POU6F2: variants seen among roughly 807,000 people sequenced by gnomAD.
POU6F2 encodes the protein POU domain, class 6, transcription factor 2.
In POU6F2, 31 loss-of-function variants were observed where a neutral mutation model predicts 71.3. That is an observed-to-expected ratio of 0.43 (90% CI 0.33 to 0.59). The LOEUF is 0.59. Ranked by LOEUF, POU6F2 falls within the 20% of genes least tolerant of loss-of-function variation. The probability of loss-of-function intolerance (pLI) is 0.04; values close to 1 mark genes in which losing one functional copy is unlikely to be tolerated. For missense variants in POU6F2, 783 were observed against 856.8 expected (o/e 0.91, Z 1.07); for synonymous variants, 347 against 355.7 (o/e 0.98, Z 0.27).
At chr7:39,155,372 T>A (rs748303360) in intron 2 of POU6F2, among the ~76,000 whole-genome samples, 2 of 152,150 alleles carry the variant, frequency 1.3e-5, no homozygotes, top group South Asian at 4.2e-4. Flanking sequence ...GTATTAAAAA[T>A]CTTTTTCACT....
chr7:39,206,471 G>T (rs1168226263), intron 3 of POU6F2, among the ~76,000 whole-genome samples: 1 of 151,976 alleles, frequency 6.6e-6, no homozygotes, highest in East Asian at 1.9e-4. Context: ...TATTTTCAAA[G>T]ATTTTAAGTT....
At chr7:39,101,289 G>A (rs1234067428) in intron 2 of POU6F2, among the ~76,000 whole-genome samples, 1 of 151,956 alleles carries the variant, frequency 6.6e-6, no homozygotes, top group African/African-American at 2.4e-5. Context: ...GGCCAGGCTG[G>A]TCTCAAACTC....
intron 2 of POU6F2, among the ~76,000 whole-genome samples, chr7:39,182,158 A>G (rs1379983521): frequency 6.6e-6 from 1 of 152,262 alleles, no homozygotes; most frequent in Non-Finnish European, 1.5e-5. Flanking sequence ...CACATTTTAA[A>G]TAATACGAAT....
At chr7:39,363,851 G>A (rs948203887) in intron 5 of POU6F2, among the ~76,000 whole-genome samples, 1 of 152,046 alleles carries the variant, frequency 6.6e-6, no homozygotes, top group African/African-American at 2.4e-5. Flanking sequence ...GAGCGGGAGC[G>A]ATGAATTGGA....
intron 4 of POU6F2, among the ~76,000 whole-genome samples, chr7:39,331,219 A>T (rs992052870): frequency 1.3e-5 from 2 of 152,198 alleles, no homozygotes; most frequent in African/African-American, 2.4e-5. Context: ...GGCTGTTGTG[A>T]ATAGTGCTGC....
chr7:39,090,526 G>A (rs907326848), intron 2 of POU6F2, among the ~76,000 whole-genome samples: 23 of 151,940 alleles, frequency 1.5e-4, no homozygotes, highest in African/African-American at 3.6e-4. Flanking sequence ...TTATTTAAAC[G>A]TCTCTCTCCA....
chr7:39,195,644 A>G (rs1793773295), intron 2 of POU6F2, among the ~76,000 whole-genome samples: 1 of 151,896 alleles, frequency 6.6e-6, no homozygotes, highest in South Asian at 2.1e-4. Context: ...CCACTTGGTT[A>G]ACAGTCTCGG....
Position 39,339,810 on chromosome 7 carries a change from A to G in POU6F2, c.767A>G (p.Gln256Arg). 2 of 1,568,940 alleles carry G rather than the reference A, an allele frequency of 1.3e-6. No individual in the cohort carries two copies. Among genetic ancestry groups the G allele is most frequent in the Non-Finnish European group, 1.7e-6 (2 of 1,159,004 alleles). Residue 256 changes from glutamine to arginine, a missense_variant, in exon 5 of 10, where the codon CAG (glutamine) becomes CGG (arginine). Around this residue, in one of 2 missense-constraint regions of POU6F2, gnomAD observed 572 missense variants for 572.9 expected, o/e 1.00. Coordinates refer to ENST00000518318, the MANE Select transcript of POU6F2 (RefSeq NM_001370959.1). Reference protein sequence around the residue: ...QQPLQPTPPQQPPPASQQPPA... With the variant: ...QQPLQPTPPQRPPPASQQPPA... ...CCGCTGCAGCCCACCCCACCCCAGC[A>G]GCCACCACCCGCCTCTCAGCAGCCG...
intron 4 of POU6F2, among the ~76,000 whole-genome samples, chr7:39,230,804 C>G (rs1794558890): frequency 6.6e-6 from 1 of 152,160 alleles, no homozygotes; most frequent in Non-Finnish European, 1.5e-5. Context: ...TTTTCTGTGT[C>G]TGATGAATGT....
chr7:39,332,439 TA>T (rs1785674435), intron 4 of POU6F2, among the ~76,000 whole-genome samples: 1 of 152,238 alleles, frequency 6.6e-6, no homozygotes, highest in Non-Finnish European at 1.5e-5. Flanking sequence ...TTTGCTGAAG[TA>T]CCTATTCAAC....
At chr7:39,245,262 C>A (rs1255774496) in intron 4 of POU6F2, among the ~76,000 whole-genome samples, 1 of 152,184 alleles carries the variant, frequency 6.6e-6, no homozygotes, top group Non-Finnish European at 1.5e-5. Context: ...CAAAAGTGAG[C>A]AGACAGCTTC....
At chr7:39,314,548 T>G (rs1309663330) in intron 4 of POU6F2, among the ~76,000 whole-genome samples, 1 of 152,216 alleles carries the variant, frequency 6.6e-6, no homozygotes, top group African/African-American at 2.4e-5. Context: ...TTTGTTTGCT[T>G]TTCTGTTTTG....
At chr7:39,050,518 A>G (rs1008279963) in intron 1 of POU6F2, among the ~76,000 whole-genome samples, 1 of 152,144 alleles carries the variant, frequency 6.6e-6, no homozygotes, top group Non-Finnish European at 1.5e-5. Context: ...AAGGGTATCA[A>G]GTGTCTCTAT....
intron 9 of POU6F2, among the ~76,000 whole-genome samples, chr7:39,463,591 G>A (rs1173242386): frequency 6.6e-6 from 1 of 151,974 alleles, no homozygotes; most frequent in African/African-American, 2.4e-5. Flanking sequence ...TTGTTCCCAG[G>A]GAGAGAAAAA....
chr7:39,352,294 A>G lies in POU6F2; in HGVS notation c.972+12279A>G, dbSNP rs552085726. On this transcript the variant is annotated intron_variant, in intron 5 of 9. Transcript: ENST00000518318. ...TCTTATGATAATTTGTAGGCCCCAA[A>G]TCACCTTGCTATAGGACTGTGAAGA... Among the ~76,000 whole-genome samples, 66 of 152,294 alleles carry G rather than the reference A, an allele frequency of 4.3e-4. 1 individual carries two copies. The South Asian group carries it at 0.01, about 24-fold the overall frequency.
chr7:39,185,837 ATGTATATGTATATGTATG>A (rs551502962), intron 2 of POU6F2, among the ~76,000 whole-genome samples: 10,658 of 97,316 alleles, frequency 0.11, 550 homozygotes, highest in East Asian at 0.34. Context: ...GTATATGTAT[ATGTATATGTATATGTATG>A]TGTATATATG....
intron 1 of POU6F2, among the ~76,000 whole-genome samples, chr7:39,054,068 C>T (rs1299442403): frequency 6.6e-6 from 1 of 151,880 alleles, no homozygotes; most frequent in Admixed American, 6.6e-5. Flanking sequence ...TGCCTCTACA[C>T]TCTAGCCTGG....
At chr7:39,104,000 T>G (rs2128724207) in intron 2 of POU6F2, among the ~76,000 whole-genome samples, 1 of 152,288 alleles carries the variant, frequency 6.6e-6, no homozygotes, top group South Asian at 2.1e-4. Context: ...AGAGTGTTAA[T>G]GACAAATACT....
intron 2 of POU6F2, among the ~76,000 whole-genome samples, chr7:39,180,506 A>C (rs1469535705): frequency 6.6e-6 from 1 of 152,130 alleles, no homozygotes; most frequent in Non-Finnish European, 1.5e-5. Context: ...TGCCTCCACC[A>C]GGCTTTGATG....
Sources: gnomAD v4.1 joint callset for allele counts (sites outside exome capture counted in the v4.1 genomes callset) on GRCh38, gnomAD v4.1.1 for gene constraint, gnomAD v4.1.1 regional missense constraint, MANE v1.5 for transcripts, NCBI Gene and HGNC (gene_info 2026-07-23, HGNC 2026-07-21) for gene names.